The following GOLM1 variants were observed in gnomAD, a reference collection of about 807,000 sequenced individuals.
GOLM1 encodes the protein epididymis luminal protein 46.
Under a neutral mutation model 50.5 loss-of-function variants are expected in GOLM1, and 31 were observed. The observed-to-expected ratio is 0.61, with a 90% CI of 0.46 to 0.83. The LOEUF is 0.83. Among genes scored for constraint, GOLM1 ranks in the 40% least tolerant of loss-of-function variants. GOLM1 has a pLI of 0.00. For missense variants in GOLM1, 491 were observed against 501.3 expected (o/e 0.98, Z 0.20); for synonymous variants, 178 against 192.8 (o/e 0.92, Z 0.64).
At chr9:86,077,668 G>C in intron 2 of GOLM1, 77 bp from the exon 3 acceptor site, 3 of 1,014,440 alleles carry the variant, frequency 3.0e-6, no homozygotes, top group Non-Finnish European at 4.6e-6. Context: ...CCTCCACAAA[G>C]ACCACCTTGG....
intron 8 of GOLM1, among the ~76,000 whole-genome samples, chr9:86,034,172 C>A (rs1341781377): frequency 6.6e-6 from 1 of 152,076 alleles, no homozygotes; most frequent in African/African-American, 2.4e-5. Context: ...ACCATATTGG[C>A]CAGGATGGTC....
intron 1 of GOLM1, among the ~76,000 whole-genome samples, chr9:86,088,680 T>C (rs1371588602): frequency 1.3e-5 from 2 of 151,528 alleles, no homozygotes; most frequent in Non-Finnish European, 2.9e-5. Context: ...ATGGGTCTCC[T>C]GAATACAGCA....
chr9:86,054,461 T>C (rs531155866), intron 3 of GOLM1, among the ~76,000 whole-genome samples: 16 of 152,244 alleles, frequency 1.1e-4, no homozygotes, highest in Admixed American at 2.6e-4. Flanking sequence ...TGACCTCAAG[T>C]GATTCGGCCG....
intron 9 of GOLM1, among the ~76,000 whole-genome samples, chr9:86,032,115 C>T (rs548294275): frequency 1.3e-5 from 2 of 152,106 alleles, no homozygotes; most frequent in African/African-American, 2.4e-5. Flanking sequence ...CCCCATGACT[C>T]TATAATCAGC....
rs530718448 is a variant in GOLM1, at chr9:86,034,253, G to T, written c.1016-858C>A. ...GCTGGGATTACAGGCATGAGCCACT[G>T]CGCCCGGCCAAACAAAATCTTTTTT... On this transcript the variant is annotated intron_variant, in intron 8 of 9. Transcript: ENST00000388712. 4.0e-4 allele frequency among the ~76,000 whole-genome samples: 61 copies of T among 152,310 alleles called. 1 individual carries two copies. The highest frequency in any genetic ancestry group is 1.4e-3 in the African/African-American group (60 of 41,582).
chr9:86,027,947 C>T, intron 9 of GOLM1, 54 bp from the exon 10 acceptor site: 1 of 1,035,590 alleles, frequency 9.7e-7, no homozygotes, highest in Non-Finnish European at 1.5e-6. Context: ...GATACTAGCC[C>T]TAGGCAGGTC....
At chr9:86,061,198 G>C (rs961947016) in intron 3 of GOLM1, among the ~76,000 whole-genome samples, 2 of 152,088 alleles carry the variant, frequency 1.3e-5, no homozygotes, top group African/African-American at 4.8e-5. Flanking sequence ...GCACACATAA[G>C]CTTGCCACAT....
In GOLM1 at chr9:86,027,636, A is replaced by C. The variant is rs1564337594; in HGVS notation, c.*181T>G. The C allele has an allele frequency of 1.4e-6, 2 of 1,385,514 alleles. No individual in the cohort carries two copies. The highest frequency in any genetic ancestry group is 2.8e-5 in the East Asian group (1 of 36,076). 85.8% of individuals were successfully genotyped at this position (1,385,514 alleles called of 1,614,324 possible). On this transcript the variant is annotated 3_prime_UTR_variant, in exon 10 of 10. Transcript: ENST00000388712. Reference sequence around the variant, plus strand: ...TAGACACTTCCAAAGTACCCCCCAAAAGCTGTTTAAAAGACCATTCCATTT... The same window carrying C: ...TAGACACTTCCAAAGTACCCCCCAACAGCTGTTTAAAAGACCATTCCATTT...
intron 1 of GOLM1, among the ~76,000 whole-genome samples, chr9:86,080,462 C>G (rs1834751030): frequency 6.6e-6 from 1 of 152,050 alleles, no homozygotes; most frequent in South Asian, 2.1e-4. Context: ...TGTCTAGCAA[C>G]AGAGGAGGAA....
intron 8 of GOLM1, chr9:86,034,899 G>A (rs1167787189): frequency 1.7e-6 from 1 of 574,276 alleles, no homozygotes; most frequent in Admixed American, 6.3e-5. Flanking sequence ...AAACCAAAAA[G>A]GAGTGATTCA....
intron 1 of GOLM1, among the ~76,000 whole-genome samples, chr9:86,096,177 GTTTTT>G (rs11475801): frequency 7.1e-6 from 1 of 140,600 alleles, no homozygotes. Flanking sequence ...TGCTCGATAG[GTTTTT>G]TTTTTTTTTT....
chr9:86,064,299 A>T (rs1224839288), intron 3 of GOLM1, among the ~76,000 whole-genome samples: 1 of 152,264 alleles, frequency 6.6e-6, no homozygotes, highest in Non-Finnish European at 1.5e-5. Context: ...CTTCTGAGAC[A>T]AACACTTTTA....
chr9:86,060,855 G>A (rs1834132487), intron 3 of GOLM1, among the ~76,000 whole-genome samples: 1 of 96,824 alleles, frequency 1.0e-5, no homozygotes, highest in Non-Finnish European at 2.0e-5. Context: ...TCCAGCCTGG[G>A]CAACAAGAGC....
chr9:86,094,650 GCCAGCACGATGGCTCACGTCTATAATC>G (rs1835298964), intron 1 of GOLM1, among the ~76,000 whole-genome samples: 2 of 152,164 alleles, frequency 1.3e-5, no homozygotes, highest in East Asian at 1.9e-4. Context: ...ATATCCTGGG[GCCAGCACGATGGCTCACGTCTATAATC>G]CCAGCACTTT....
At chr9:86,045,375 T>A (rs577368493) in intron 5 of GOLM1, among the ~76,000 whole-genome samples, 2 of 151,014 alleles carry the variant, frequency 1.3e-5, no homozygotes, top group East Asian at 3.9e-4. Flanking sequence ...AATAAAATGT[T>A]TGTGACTAAG....
rs926646603 is a variant in GOLM1, at chr9:86,072,551, A to C, written c.309+4861T>G. The stretch of plus-strand genomic sequence containing the variant: ...TCTGGGAAAAAAGCAGTGATGAGTA[A>C]GTTTCCAATCTGGCACAGCTTTGAA... On this transcript the variant is annotated intron_variant, in intron 3 of 9. Coordinates refer to ENST00000388712, the MANE Select transcript of GOLM1 (RefSeq NM_016548.4). Among the ~76,000 whole-genome samples, 3 of 152,240 alleles carry C rather than the reference A, an allele frequency of 2.0e-5. No individual in the cohort carries two copies. In the East Asian group the frequency reaches 5.8e-4, roughly 29 times the overall value.
At chr9:86,068,977 T>C (rs1273380258) in intron 3 of GOLM1, among the ~76,000 whole-genome samples, 2 of 68,204 alleles carry the variant, frequency 2.9e-5, no homozygotes, top group African/African-American at 1.2e-4. Context: ...AATGTCTGGG[T>C]TTTTTTTTTT....
At chr9:86,071,837 T>C (rs182492286) in intron 3 of GOLM1, among the ~76,000 whole-genome samples, 2 of 152,334 alleles carry the variant, frequency 1.3e-5, no homozygotes, top group African/African-American at 2.4e-5. Flanking sequence ...CACTGCAAGC[T>C]TGGAAAACCC....
In GOLM1 at chr9:86,027,029, G is replaced by GT. The variant is rs544624463; in HGVS notation, c.*787dup. 1.1e-4 allele frequency: 113 copies of GT among 985,370 alleles called. No homozygotes were observed. Among genetic ancestry groups the GT allele is most frequent in the Admixed American group, 3.1e-4 (5 of 16,274 alleles). 61.0% of individuals were successfully genotyped at this position (985,370 alleles called of 1,614,324 possible). On this transcript the variant is annotated 3_prime_UTR_variant, in exon 10 of 10. Coordinates refer to ENST00000388712, the MANE Select transcript of GOLM1 (RefSeq NM_016548.4). ...CTCCAGGTCAGCCCCCTTTTGGCCT[G>GT]TTTGTTTTGTCAAAAACCTAATCTG...
Sources: gnomAD v4.1 joint callset for allele counts (sites outside exome capture counted in the v4.1 genomes callset) on GRCh38, gnomAD v4.1.1 for gene constraint, MANE v1.5 for transcripts, NCBI Gene and HGNC (gene_info 2026-07-23, HGNC 2026-07-21) for gene names.